ST3GAL2: variants seen among roughly 807,000 people sequenced by gnomAD.
ST3GAL2 encodes the protein ST3 beta-galactoside alpha-2,3-sialyltransferase 2.
Under a neutral mutation model 37.5 loss-of-function variants are expected in ST3GAL2, and 16 were observed. The ratio of observed to expected loss-of-function variants is 0.43; its 90% CI spans 0.29 to 0.65. The LOEUF is 0.65. Ranked by LOEUF, ST3GAL2 falls within the 30% of genes least tolerant of loss-of-function variation. ST3GAL2 has a pLI of 0.17. For synonymous variants in ST3GAL2, 238 were observed against 202.9 expected, an observed-to-expected ratio of 1.17 and a Z score of -1.47; for missense variants, 383 against 487.8, an observed-to-expected ratio of 0.79 and a Z score of 2.02.
chr16:70,385,650 T>C (rs2047437115), intron 4 of ST3GAL2, among the ~76,000 whole-genome samples: 2 of 150,778 alleles, frequency 1.3e-5, no homozygotes, highest in African/African-American at 4.9e-5. Flanking sequence ...TCCGGGGGTA[T>C]CTTTAGATTA....
rs1206862757 is a variant in ST3GAL2, at chr16:70,380,778, G to A, written c.*911C>T. 3 of 152,862 alleles carry A rather than the reference G, an allele frequency of 2.0e-5. No homozygotes were observed. Among genetic ancestry groups the A allele is most frequent in the Non-Finnish European group, 2.9e-5 (2 of 68,564 alleles). The allele number at this position is 152,862 out of a possible 1,614,324, so 9.5% of individuals were successfully genotyped here. The stretch of plus-strand genomic sequence containing the variant: ...GAGGAGGTACATGCAGCGGGCAGCC[G>A]GGCCCATAGCCAGCCTCCTTCCGCC... On this transcript the variant is annotated 3_prime_UTR_variant, in exon 7 of 7. Transcript: ENST00000342907.
At chr16:70,408,257 G>C (rs2047607512) in intron 1 of ST3GAL2, among the ~76,000 whole-genome samples, 1 of 152,088 alleles carries the variant, frequency 6.6e-6, no homozygotes, top group African/African-American at 2.4e-5. Flanking sequence ...AGCCCCCACT[G>C]CCTTCCCAAA....
chr16:70,398,400 C>G lies in ST3GAL2; in HGVS notation c.131G>C (p.Gly44Ala). 6.2e-7 allele frequency: 1 copy of G among 1,613,684 alleles called. No individual in the cohort carries two copies. Among genetic ancestry groups the G allele is most frequent in the Non-Finnish European group, 8.5e-7 (1 of 1,180,010 alleles). ...LPYLDSGALD[G>A]THRVKLVPGY... is the part of the protein sequence containing the mutation. Reference sequence around the variant, plus strand: ...GGGCACCAGCTTCACCCGGTGCGTCCCATCCAGGGCCCCTGAGTCCAGGTA... The same window carrying G: ...GGGCACCAGCTTCACCCGGTGCGTCGCATCCAGGGCCCCTGAGTCCAGGTA... Residue 44 changes from glycine (G) to alanine (A), a missense_variant, in exon 2 of 7, where the codon GGG becomes GCG. Coordinates refer to ENST00000342907, the MANE Select transcript of ST3GAL2 (RefSeq NM_006927.4).
chr16:70,403,765 T>C (rs568422496), intron 1 of ST3GAL2, among the ~76,000 whole-genome samples: 1 of 152,222 alleles, frequency 6.6e-6, no homozygotes, highest in South Asian at 2.1e-4. Context: ...TGAGCTGAGA[T>C]TGCACCACAG....
At chr16:70,406,992 A>C (rs1375388664) in intron 1 of ST3GAL2, among the ~76,000 whole-genome samples, 1 of 152,206 alleles carries the variant, frequency 6.6e-6, no homozygotes, top group African/African-American at 2.4e-5. Context: ...CCTGTGGGAC[A>C]GGTGGCAAAG....
intron 1 of ST3GAL2, among the ~76,000 whole-genome samples, chr16:70,414,906 C>G (rs2047664999): frequency 6.6e-6 from 1 of 151,920 alleles, no homozygotes; most frequent in Non-Finnish European, 1.5e-5. Flanking sequence ...CGGAGTCTCA[C>G]TCTGTCACCC....
intron 3 of ST3GAL2, among the ~76,000 whole-genome samples, chr16:70,392,473 T>C (rs2047488361): frequency 6.6e-6 from 1 of 152,206 alleles, no homozygotes. Flanking sequence ...GGTTAGGACC[T>C]GATGTTGGCT....
intron 6 of ST3GAL2, 92 bp from the exon 7 acceptor site, chr16:70,381,954 G>A (rs1427999609): frequency 5.2e-6 from 8 of 1,537,886 alleles, no homozygotes; most frequent in Non-Finnish European, 7.1e-6. Context: ...GAGGGGACGG[G>A]AGGCCCCGGG....
intron 3 of ST3GAL2, among the ~76,000 whole-genome samples, chr16:70,389,862 C>A (rs912443271): frequency 1.3e-5 from 2 of 152,084 alleles, no homozygotes; most frequent in African/African-American, 4.8e-5. Flanking sequence ...TCTCGGCTCA[C>A]TGGAAGCTCC....
chr16:70,408,274 T>C (rs2047607610), intron 1 of ST3GAL2, among the ~76,000 whole-genome samples: 1 of 152,068 alleles, frequency 6.6e-6, no homozygotes, highest in African/African-American at 2.4e-5. Context: ...CAAAGCACTC[T>C]TCCACTAACT....
At chr16:70,438,065 G>A (rs374208352) in intron 1 of ST3GAL2, among the ~76,000 whole-genome samples, 4 of 152,316 alleles carry the variant, frequency 2.6e-5, no homozygotes, top group African/African-American at 7.2e-5. Context: ...GATGGGAGAC[G>A]GGAGATGGAT....
At chr16:70,416,713 A>C (rs553767925) in intron 1 of ST3GAL2, among the ~76,000 whole-genome samples, 1 of 152,234 alleles carries the variant, frequency 6.6e-6, no homozygotes, top group East Asian at 1.9e-4. Flanking sequence ...TAGAAGTGAG[A>C]GCTTTCTCTA....
intron 1 of ST3GAL2, among the ~76,000 whole-genome samples, chr16:70,410,593 A>G (rs2047631071): frequency 6.6e-6 from 1 of 151,358 alleles, no homozygotes; most frequent in Non-Finnish European, 1.5e-5. Context: ...TCTGGAAATT[A>G]TATTACTTTT....
Position 70,381,737 on chromosome 16 carries a change from G to A in ST3GAL2, c.1005C>T (p.Ile335=), listed in dbSNP as rs755630185. ...VHDADFEAHI[I]DMLAKASKIE... ...TCTTGCTGGCCTTGGCCAGCATGTC[G>A]ATGATGTGGGCCTCGAAGTCCGCGT... The change falls in exon 7 of 7, where the codon ATC becomes ATT. Residue 335 remains isoleucine, a synonymous_variant. Coordinates refer to ENST00000342907, the MANE Select transcript of ST3GAL2 (RefSeq NM_006927.4). 1 of 1,614,084 alleles carries A rather than the reference G, an allele frequency of 6.2e-7. No individual in the cohort carries two copies. Among genetic ancestry groups the A allele is most frequent in the South Asian group, 1.1e-5 (1 of 91,088 alleles).
chr16:70,399,721 G>A (rs1016461075), intron 1 of ST3GAL2, 188 bp from the exon 2 acceptor site: 3 of 337,052 alleles, frequency 8.9e-6, no homozygotes, highest in Non-Finnish European at 1.6e-5. Context: ...CCAGGGCCTG[G>A]AGGACTAGAT....
chr16:70,384,327 G>C (rs562977806), intron 4 of ST3GAL2, among the ~76,000 whole-genome samples: 1 of 152,178 alleles, frequency 6.6e-6, no homozygotes, highest in African/African-American at 2.4e-5. Context: ...CAACACGGAT[G>C]AACTATGAGG....
At chr16:70,400,008 G>A (rs1249970886) in intron 1 of ST3GAL2, 1 of 152,292 alleles carries the variant, frequency 6.6e-6, no homozygotes, top group Admixed American at 6.5e-5. Flanking sequence ...CTCGACTGTG[G>A]ATTATCGATG....
chr16:70,389,936 G>A (rs181232683), intron 3 of ST3GAL2, among the ~76,000 whole-genome samples: 4 of 149,678 alleles, frequency 2.7e-5, no homozygotes, highest in Admixed American at 6.7e-5. Context: ...ACAGGCGCCC[G>A]CCATCACGCC....
At chr16:70,401,921 G>C (rs2047558029) in intron 1 of ST3GAL2, among the ~76,000 whole-genome samples, 1 of 149,682 alleles carries the variant, frequency 6.7e-6, no homozygotes, top group Non-Finnish European at 1.5e-5. Context: ...TTGAACCCAG[G>C]AGGCGGAGGT....
Sources: gnomAD v4.1 joint callset for allele counts (sites outside exome capture counted in the v4.1 genomes callset) on GRCh38, gnomAD v4.1.1 for gene constraint, MANE v1.5 for transcripts, NCBI Gene and HGNC (gene_info 2026-07-23, HGNC 2026-07-21) for gene names.